The following HM13 variants were observed in gnomAD, a reference collection of about 807,000 sequenced individuals.
HM13 encodes histocompatibility minor 13, also known as signal peptide peptidase.
In HM13, 18 loss-of-function variants were observed where a neutral mutation model predicts 50.0. That is an observed-to-expected ratio of 0.36 (90% CI 0.25 to 0.53). The LOEUF is 0.53. Ranked by LOEUF, HM13 falls within the 20% of genes least tolerant of loss-of-function variation. The pLI is 0.90. For synonymous variants in HM13, 197 were observed against 232.6 expected (o/e 0.85, Z 1.39); for missense variants, 393 against 552.4 (o/e 0.71, Z 2.89).
intron 1 of HM13, among the ~76,000 whole-genome samples, chr20:31,515,806 C>T (rs1568775787): frequency 6.6e-6 from 1 of 152,200 alleles, no homozygotes; most frequent in Non-Finnish European, 1.5e-5. Flanking sequence ...GGCACCCTCT[C>T]CCTTCCTCCA....
intron 2 of HM13, among the ~76,000 whole-genome samples, chr20:31,532,271 A>C (rs1325273640): frequency 6.6e-6 from 1 of 152,116 alleles, no homozygotes; most frequent in African/African-American, 2.4e-5. Context: ...CTGAAAATAC[A>C]AAAACTATCA....
chr20:31,536,373 G>A (rs1983107329), intron 2 of HM13, among the ~76,000 whole-genome samples: 1 of 151,884 alleles, frequency 6.6e-6, no homozygotes, highest in African/African-American at 2.4e-5. Flanking sequence ...CGGGGAGGGT[G>A]GGGGTCAGGG....
intron 2 of HM13, among the ~76,000 whole-genome samples, chr20:31,531,721 G>A (rs910809080): frequency 6.6e-6 from 1 of 152,118 alleles, no homozygotes; most frequent in Non-Finnish European, 1.5e-5. Context: ...AGCCTCCTGA[G>A]AAATGCTCTT....
In HM13 at chr20:31,514,730, G is replaced by T; in HGVS notation, c.179G>T (p.Gly60Val). Residue 60 changes from glycine (G) to valine (V), a missense_variant, in exon 1 of 13, where the codon GGC (glycine) becomes GTC (valine). By Grantham distance (109) the Gly-to-Val change is moderately radical. Around this residue, in one of 3 missense-constraint regions of HM13, gnomAD observed 214 missense variants for 276.1 expected, o/e 0.77. Transcript: ENST00000398174. This position sits in a 1 kb window ranked among gnomAD's most constrained non-coding sequence, Gnocchi z 4.3. ...CTGCGCTCCGTACGCTGCGCCCGCG[G>T]CAAGGTAGGGTCAGCGGGAAAACCG... ...GALRSVRCARGKNASDMPETI... is the reference protein window; with the variant it reads ...GALRSVRCARVKNASDMPETI... The T allele has an allele frequency of 6.5e-7, 1 of 1,531,140 alleles. No homozygotes were observed. The highest frequency in any genetic ancestry group is 1.2e-5 in the South Asian group (1 of 82,116). The allele number at this position is 1,531,140 out of a possible 1,614,324, so 94.8% of individuals were successfully genotyped here.
At chr20:31,559,740 C>A in intron 9 of HM13, 93 bp downstream of exon 9, 3 of 1,144,254 alleles carry the variant, frequency 2.6e-6, no homozygotes, top group Non-Finnish European at 4.0e-6. Context: ...GGAGACCAGA[C>A]CCTCCACCCC....
At chr20:31,561,594 T>C (rs1256655834) in intron 9 of HM13, 40 bp from the exon 10 acceptor site, 1 of 1,379,070 alleles carries the variant, frequency 7.3e-7, no homozygotes, top group Non-Finnish European at 1.0e-6. Context: ...TCAGTCCCTA[T>C]ATCTAACCCT....
chr20:31,547,503 C>A, intron 4 of HM13: 2 of 703,696 alleles, frequency 2.8e-6, no homozygotes, highest in South Asian at 1.7e-5. Context: ...CACCCTGGAT[C>A]ATGTTCAAGA....
chr20:31,556,290 G>A (rs1461520775), intron 8 of HM13, among the ~76,000 whole-genome samples: 3 of 151,742 alleles, frequency 2.0e-5, no homozygotes, highest in Admixed American at 1.3e-4. Context: ...CACCTACCTC[G>A]GCCCCCACAA....
At chr20:31,537,752 C>T (rs1406976354) in intron 2 of HM13, among the ~76,000 whole-genome samples, 1 of 152,154 alleles carries the variant, frequency 6.6e-6, no homozygotes, top group Non-Finnish European at 1.5e-5. Context: ...AACTAGCATG[C>T]TTGCGGCCTG....
At chr20:31,545,149 GA>G in intron 4 of HM13, 114 bp downstream of exon 4, 1 of 803,218 alleles carries the variant, frequency 1.2e-6, no homozygotes, top group Non-Finnish European at 2.1e-6. Flanking sequence ...GTGGGCTCTG[GA>G]ATTCCATGGC....
chr20:31,528,080 A>G (rs1982603273), intron 2 of HM13: 1 of 152,438 alleles, frequency 6.6e-6, no homozygotes. Context: ...CTCCCTGTGC[A>G]TGGTTTCTCC....
chr20:31,557,584 A>G (rs1053425402), intron 8 of HM13, among the ~76,000 whole-genome samples: 7 of 152,176 alleles, frequency 4.6e-5, no homozygotes, highest in Non-Finnish European at 1.0e-4. Context: ...ATTCCAGAAT[A>G]ACTGCAGTTG....
At chr20:31,525,867 T>G (rs569874172) in intron 1 of HM13, among the ~76,000 whole-genome samples, 4 of 152,298 alleles carry the variant, frequency 2.6e-5, no homozygotes, top group Non-Finnish European at 5.9e-5. Context: ...GGCTCACACC[T>G]ATAAGTCCAG....
intron 3 of HM13, chr20:31,540,588 AG>A (rs1182380163): frequency 6.6e-6 from 1 of 152,248 alleles, no homozygotes; most frequent in African/African-American, 2.4e-5. Flanking sequence ...CTGCCTAGGC[AG>A]GGTATTTTGA....
chr20:31,544,915 T>C (rs1485345942), intron 3 of HM13, 32 bp from the exon 4 acceptor site: 10 of 1,596,410 alleles, frequency 6.3e-6, no homozygotes, highest in Non-Finnish European at 8.6e-6. Context: ...ATGGGGGCTC[T>C]GTTTGCCGAC....
chr20:31,548,970 G>A, intron 4 of HM13, 59 bp from the exon 5 acceptor site: 1 of 1,438,556 alleles, frequency 7.0e-7, no homozygotes, highest in Non-Finnish European at 9.8e-7. Context: ...TCCAGGGGCT[G>A]ACAGGTGGGA....
At chr20:31,549,502 G>A (rs1222892113) in intron 6 of HM13, among the ~76,000 whole-genome samples, 170 bp downstream of exon 6, 1 of 152,200 alleles carries the variant, frequency 6.6e-6, no homozygotes, top group African/African-American at 2.4e-5. Context: ...TGGAGCCAGA[G>A]AGAGCAGATT....
chr20:31,560,461 T>C (rs1413878869), intron 9 of HM13, among the ~76,000 whole-genome samples: 1 of 152,190 alleles, frequency 6.6e-6, no homozygotes, highest in East Asian at 1.9e-4. Flanking sequence ...ATGTGAAACT[T>C]AGGTTTTTCC....
intron 1 of HM13, among the ~76,000 whole-genome samples, chr20:31,516,809 C>T (rs940763298): frequency 1.3e-5 from 2 of 152,144 alleles, no homozygotes; most frequent in African/African-American, 4.8e-5. Context: ...CCATTAAGAG[C>T]CTGCCACCAC....
Sources: allele counts gnomAD v4.1 joint callset (sites outside exome capture counted in the v4.1 genomes callset), GRCh38; gene constraint gnomAD v4.1.1; regional missense constraint gnomAD v4.1.1; non-coding constraint Gnocchi (gnomAD v3.1); transcripts MANE v1.5; gene names NCBI Gene and HGNC (gene_info 2026-07-23, HGNC 2026-07-21).